NFAT5: variants seen among roughly 807,000 people sequenced by gnomAD.
NFAT5 encodes nuclear factor of activated T-cells 5.
Under a neutral mutation model 166.5 loss-of-function variants are expected in NFAT5, and 31 were observed. The ratio of observed to expected loss-of-function variants is 0.19; its 90% CI spans 0.14 to 0.25. The LOEUF (loss-of-function observed/expected upper bound fraction) is 0.25. Among genes scored for constraint, NFAT5 ranks in the 10% least tolerant of loss-of-function variants. The pLI, the probability that NFAT5 is intolerant of heterozygous loss-of-function variation, is 1.00. For missense variants in NFAT5, 1,449 were observed against 1,821.8 expected (o/e 0.80, Z 3.72); for synonymous variants, 612 against 639.7 (o/e 0.96, Z 0.65).
In NFAT5 at chr16:69,684,899, C is replaced by T; in HGVS notation, c.1703C>T (p.Ala568Val). ...TTTTTTTTAATAGCAGCAGCTGGTG[C>T]TTTGAATGTAAATGTGAAGAAGGAA... ...TYTPDPAAAG[A>V]LNVNVKKEIS... Residue 568 changes from alanine (A) to valine (V), a missense_variant, in exon 11 of 15, where the codon GCT becomes GTT. Coordinates refer to ENST00000349945, the MANE Select transcript of NFAT5 (RefSeq NM_138713.4). 1 of 1,602,974 alleles carries T rather than the reference C, an allele frequency of 6.2e-7. No homozygotes were observed. The highest frequency in any genetic ancestry group is 8.5e-7 in the Non-Finnish European group (1 of 1,175,192).
chr16:69,575,260 TG>T (rs1305074523), intron 2 of NFAT5, among the ~76,000 whole-genome samples: 6 of 152,022 alleles, frequency 3.9e-5, no homozygotes, highest in Admixed American at 3.9e-4. Context: ...CTCCGTCTCT[TG>T]GGTTCAAGCA....
intron 2 of NFAT5, among the ~76,000 whole-genome samples, chr16:69,618,108 A>G (rs2034038361): frequency 1.3e-5 from 2 of 150,790 alleles, no homozygotes; most frequent in South Asian, 4.3e-4. Context: ...CGGTGAGCTG[A>G]GATCGTGCCA....
In NFAT5 at chr16:69,628,039, G is replaced by T. The variant is rs530397146; in HGVS notation, c.253+1511G>T. On this transcript the variant is annotated intron_variant, in intron 3 of 14. Transcript: ENST00000349945. ...TGAATCTATATAGAACTAAAAGTCT[G>T]TTTCTTCTGTGCTTTTTAACATCTG... 3.9e-5 allele frequency among the ~76,000 whole-genome samples: 6 copies of T among 152,120 alleles called. No homozygotes were observed. In the South Asian group the frequency reaches 6.2e-4, roughly 16 times the overall value.
chr16:69,588,005 T>G (rs1190851626), intron 2 of NFAT5, among the ~76,000 whole-genome samples: 2 of 132,148 alleles, frequency 1.5e-5, no homozygotes, highest in Non-Finnish European at 3.1e-5. Context: ...CAGGCTGGAG[T>G]GCAGTGGTAT....
chr16:69,624,291 C>T (rs1403711749), intron 2 of NFAT5, among the ~76,000 whole-genome samples: 3 of 152,042 alleles, frequency 2.0e-5, no homozygotes, highest in Non-Finnish European at 4.4e-5. Context: ...CTGCAACCTC[C>T]GCCTCCTAGG....
chr16:69,600,296 A>C (rs1354319122), intron 2 of NFAT5, among the ~76,000 whole-genome samples: 1 of 152,206 alleles, frequency 6.6e-6, no homozygotes, highest in African/African-American at 2.4e-5. Flanking sequence ...TTAGGAGTTT[A>C]TTGATAACCA....
chr16:69,587,114 G>C (rs573732621), intron 2 of NFAT5, among the ~76,000 whole-genome samples: 1 of 151,920 alleles, frequency 6.6e-6, no homozygotes, highest in South Asian at 2.1e-4. Context: ...ACAAAGTCTC[G>C]CTCTGTAGCC....
chr16:69,624,000 C>T (rs2034327387), intron 2 of NFAT5, among the ~76,000 whole-genome samples: 1 of 152,050 alleles, frequency 6.6e-6, no homozygotes, highest in African/African-American at 2.4e-5. Flanking sequence ...ATCCACCCGC[C>T]TCGGCTTCCC....
intron 2 of NFAT5, among the ~76,000 whole-genome samples, chr16:69,623,875 A>C (rs2151576202): frequency 6.7e-6 from 1 of 149,694 alleles, no homozygotes; most frequent in South Asian, 2.1e-4. Context: ...AAAAAGAAAC[A>C]GATTCAATAA....
At chr16:69,638,506 C>T (rs1293165587) in intron 3 of NFAT5, among the ~76,000 whole-genome samples, 7 of 151,838 alleles carry the variant, frequency 4.6e-5, no homozygotes, top group African/African-American at 9.7e-5. Context: ...GGTTGTGGTG[C>T]GTGGATCACC....
intron 4 of NFAT5, chr16:69,648,919 A>G: frequency 2.1e-6 from 2 of 966,840 alleles, no homozygotes; most frequent in Admixed American, 6.2e-5. Flanking sequence ...TTAAAAAGTA[A>G]TATCTACCCT....
At chr16:69,687,382 A>G (rs1029593739) in intron 11 of NFAT5, among the ~76,000 whole-genome samples, 22 of 145,364 alleles carry the variant, frequency 1.5e-4, no homozygotes, top group Admixed American at 2.8e-4. Flanking sequence ...CGAAGGTTGT[A>G]GTGAGCCCAG....
intron 11 of NFAT5, among the ~76,000 whole-genome samples, chr16:69,686,478 G>A (rs1032651076): frequency 1.3e-5 from 2 of 152,144 alleles, no homozygotes; most frequent in Non-Finnish European, 2.9e-5. Context: ...AGCTGTGATC[G>A]TACCACTGCA....
intron 4 of NFAT5, chr16:69,648,182 A>G: frequency 1.0e-6 from 1 of 983,026 alleles, no homozygotes; most frequent in Non-Finnish European, 1.2e-6. Flanking sequence ...ATCTCAAAAA[A>G]AAAAAAACAC....
chr16:69,597,139 T>A (rs1174411638), intron 2 of NFAT5, among the ~76,000 whole-genome samples: 1 of 151,926 alleles, frequency 6.6e-6, no homozygotes, highest in African/African-American at 2.4e-5. Flanking sequence ...GAGAGCTTGG[T>A]GTATTGAAGA....
intron 3 of NFAT5, among the ~76,000 whole-genome samples, chr16:69,636,299 G>A (rs2034963744): frequency 6.6e-6 from 1 of 152,130 alleles, no homozygotes; most frequent in African/African-American, 2.4e-5. Context: ...GCTTTCATGG[G>A]CTGGCATTGA....
intron 7 of NFAT5, among the ~76,000 whole-genome samples, chr16:69,665,706 G>T (rs2036344307): frequency 1.3e-5 from 1 of 76,686 alleles, no homozygotes. Context: ...CATGCTCATG[G>T]GTAGGAAGAA....
At chr16:69,640,393 A>G (rs1299377411) in intron 3 of NFAT5, among the ~76,000 whole-genome samples, 2 of 152,222 alleles carry the variant, frequency 1.3e-5, no homozygotes, top group African/African-American at 2.4e-5. Context: ...TAAACTTTGC[A>G]TTAATATTAT....
chr16:69,686,604 C>T (rs1033936744), intron 11 of NFAT5, among the ~76,000 whole-genome samples: 2 of 152,038 alleles, frequency 1.3e-5, no homozygotes, highest in Non-Finnish European at 2.9e-5. Context: ...TGGCTCACAC[C>T]TATAATTCCA....
Sources: allele counts gnomAD v4.1 joint callset (sites outside exome capture counted in the v4.1 genomes callset), GRCh38; gene constraint gnomAD v4.1.1; transcripts MANE v1.5; gene names NCBI Gene and HGNC (gene_info 2026-07-23, HGNC 2026-07-21).